RAB7A: variants seen among roughly 807,000 people sequenced by gnomAD.
RAB7A encodes the protein ras-related protein Rab-7a.
In RAB7A, 2 loss-of-function variants were observed where a neutral mutation model predicts 24.5. The ratio of observed to expected loss-of-function variants is 0.08; its 90% CI spans 0.03 to 0.26. RAB7A has a LOEUF of 0.26. RAB7A is among the 10% of genes least tolerant of loss of function. The pLI, the probability that RAB7A is intolerant of heterozygous loss-of-function variation, is 1.00. For missense variants in RAB7A, 118 were observed against 255.7 expected (o/e 0.46, Z 3.67); for synonymous variants, 100 against 95.9 (o/e 1.04, Z -0.25).
chr3:128,778,949 C>T (rs1403453709), intron 1 of RAB7A, among the ~76,000 whole-genome samples: 1 of 152,170 alleles, frequency 6.6e-6, no homozygotes, highest in East Asian at 1.9e-4. Context: ...TACACAGAGA[C>T]AGAATCTAGT....
chr3:128,729,459 A>G (rs1365622811), intron 1 of RAB7A, among the ~76,000 whole-genome samples: 5 of 151,598 alleles, frequency 3.3e-5, no homozygotes, highest in Non-Finnish European at 7.4e-5. Context: ...AGTCCCAGCT[A>G]CTCGTGAGGC....
At chr3:128,763,478 A>G (rs958695347) in intron 1 of RAB7A, among the ~76,000 whole-genome samples, 1 of 151,964 alleles carries the variant, frequency 6.6e-6, no homozygotes, top group Non-Finnish European at 1.5e-5. Flanking sequence ...TGGCCTCCCA[A>G]AGTGCTGGGA....
At chr3:128,795,852 C>T (rs1024470329) in intron 2 of RAB7A, among the ~76,000 whole-genome samples, 7 of 148,838 alleles carry the variant, frequency 4.7e-5, no homozygotes, top group African/African-American at 7.4e-5. Context: ...CCCGGATTCA[C>T]GCCATTCTCC....
At chr3:128,759,046 A>G (rs1391619600) in intron 1 of RAB7A, among the ~76,000 whole-genome samples, 1 of 135,710 alleles carries the variant, frequency 7.4e-6, no homozygotes, top group African/African-American at 3.3e-5. Context: ...GTGTTTTACA[A>G]ATGAGTTAAA....
intron 1 of RAB7A, among the ~76,000 whole-genome samples, chr3:128,768,826 T>G (rs915217661): frequency 6.6e-5 from 10 of 151,774 alleles, no homozygotes; most frequent in Non-Finnish European, 1.2e-4. Flanking sequence ...CCCAAAGTAC[T>G]GGGATTACAG....
At chr3:128,808,851 G>C (rs987978691) in intron 5 of RAB7A, among the ~76,000 whole-genome samples, 1 of 152,184 alleles carries the variant, frequency 6.6e-6, no homozygotes, top group Non-Finnish European at 1.5e-5. Context: ...GCAGGACAAA[G>C]AGTTGTTTGT....
At chr3:128,779,133 G>T (rs1933158734) in intron 1 of RAB7A, among the ~76,000 whole-genome samples, 2 of 152,204 alleles carry the variant, frequency 1.3e-5, no homozygotes, top group African/African-American at 4.8e-5. Flanking sequence ...TCATTGTGGG[G>T]CTGGGTACGG....
At chr3:128,765,374 TA>T (rs2107598293) in intron 1 of RAB7A, among the ~76,000 whole-genome samples, 1 of 152,302 alleles carries the variant, frequency 6.6e-6, no homozygotes, top group East Asian at 1.9e-4. Flanking sequence ...ATACTCTTAC[TA>T]AATCAGCTTA....
chr3:128,803,605 A>G (rs1933742459), intron 3 of RAB7A, among the ~76,000 whole-genome samples: 2 of 152,230 alleles, frequency 1.3e-5, no homozygotes, highest in South Asian at 4.1e-4. Context: ...AGTTGTAATG[A>G]GAGTTATCAT....
At chr3:128,749,759 C>T (rs1199217269) in intron 1 of RAB7A, among the ~76,000 whole-genome samples, 1 of 152,228 alleles carries the variant, frequency 6.6e-6, no homozygotes, top group African/African-American at 2.4e-5. Context: ...TGACTTGCTC[C>T]TCCTTGCCTT....
chr3:128,773,985 T>C (rs547470257), intron 1 of RAB7A, among the ~76,000 whole-genome samples: 5,859 of 151,552 alleles, frequency 0.039, 190 homozygotes, highest in African/African-American at 0.093. Flanking sequence ...CCGGAGACCT[T>C]TGTTCACTTG....
At chr3:128,809,587 A>T (rs981477495) in intron 5 of RAB7A, among the ~76,000 whole-genome samples, 7 of 152,196 alleles carry the variant, frequency 4.6e-5, no homozygotes, top group Admixed American at 3.9e-4. Flanking sequence ...TCCTTTGAAC[A>T]TAGGGAAAAA....
intron 3 of RAB7A, among the ~76,000 whole-genome samples, chr3:128,800,243 G>A (rs113301030): frequency 2.0e-5 from 3 of 152,330 alleles, no homozygotes; most frequent in African/African-American, 7.2e-5. Flanking sequence ...TCAACAGAAG[G>A]CAGAAGGGAG....
At chr3:128,745,260 A>G (rs918556585) in intron 1 of RAB7A, among the ~76,000 whole-genome samples, 4 of 152,170 alleles carry the variant, frequency 2.6e-5, no homozygotes, top group Non-Finnish European at 4.4e-5. Context: ...CACTGCCCCA[A>G]TTCTGCAGGG....
At chr3:128,732,792 A>G (rs1376407503) in intron 1 of RAB7A, among the ~76,000 whole-genome samples, 1 of 152,158 alleles carries the variant, frequency 6.6e-6, no homozygotes, top group South Asian at 2.1e-4. Context: ...GTGGCACTGC[A>G]CTCCAGCCTG....
Position 128,797,946 on chromosome 3 carries a change from C to A in RAB7A, c.57C>A (p.Val19=), listed in dbSNP as rs373510884. The change falls in exon 3 of 6, where the codon GTC becomes GTA. Residue 19 remains valine (V), a synonymous_variant. Transcript: ENST00000265062. ...LKVIILGDSG[V]GKTSLMNQYV... ...TATGGTTTTTCTCCAATTTCAGAGT[C>A]GGGAAGACATCACTCATGAACCAGT... 1 of 1,613,536 alleles carries A rather than the reference C, an allele frequency of 6.2e-7. No homozygotes were observed. Among genetic ancestry groups the A allele is most frequent in the South Asian group, 1.1e-5 (1 of 91,016 alleles).
Position 128,726,236 on chromosome 3 carries a change from G to A in RAB7A, c.-132G>A, listed in dbSNP as rs1576824095. On this transcript the variant is annotated 5_prime_UTR_variant, in exon 1 of 6. Transcript: ENST00000265062. ...GCAGCGGCGGAGTTGGCGGCTTGGA[G>A]AGCTCGGGAGAGTTCCCTGGAACCA... is the stretch of plus-strand genomic sequence containing the variant. 6.5e-6 allele frequency: 1 copy of A among 153,778 alleles called. No homozygotes were observed. The highest frequency in any genetic ancestry group is 1.9e-4 in the East Asian group (1 of 5,206). The allele number at this position is 153,778 out of a possible 1,614,324, so 9.5% of individuals were successfully genotyped here.
At chr3:128,792,817 T>TTTTATTTA (rs71618167) in intron 1 of RAB7A, among the ~76,000 whole-genome samples, 267 of 137,502 alleles carry the variant, frequency 1.9e-3, no homozygotes, top group East Asian at 4.0e-3. Context: ...CCGAGCTAAT[T>TTTTATTTA]TTTATTTATT....
At chr3:128,746,151 G>A (rs184517833) in intron 1 of RAB7A, among the ~76,000 whole-genome samples, 72 of 152,134 alleles carry the variant, frequency 4.7e-4, no homozygotes, top group African/African-American at 1.7e-3. Flanking sequence ...CCTCCTGTCC[G>A]AAACATTGTA....
Sources: gnomAD v4.1 joint callset for allele counts (sites outside exome capture counted in the v4.1 genomes callset) on GRCh38, gnomAD v4.1.1 for gene constraint, MANE v1.5 for transcripts, NCBI Gene and HGNC (gene_info 2026-07-23, HGNC 2026-07-21) for gene names.